Variants in TGM7 observed in about 807,000 individuals in gnomAD.
The protein encoded by TGM7 is transglutaminase 7.
In TGM7, 74 loss-of-function variants were observed where a neutral mutation model predicts 79.5. That is an observed-to-expected ratio of 0.93 (90% CI 0.77 to 1.13). TGM7 has a LOEUF of 1.13. Among genes scored for constraint, TGM7 ranks in the 50% most tolerant of loss-of-function variants. The pLI is 0.00. For synonymous variants in TGM7, 354 were observed against 362.5 expected, an observed-to-expected ratio of 0.98 and a Z score of 0.27; for missense variants, 912 against 905.9, an observed-to-expected ratio of 1.01 and a Z score of -0.09.
intron 1 of TGM7, among the ~76,000 whole-genome samples, chr15:43,294,358 G>T (rs2042981976): frequency 6.6e-6 from 1 of 152,186 alleles, no homozygotes; most frequent in Non-Finnish European, 1.5e-5. Flanking sequence ...GTAGGCAGTG[G>T]GCAGGTTCTG....
At position 43,279,371 on chromosome 15, in the gene TGM7, G is replaced by A. The variant is rs1042729656; in HGVS notation, c.1679-94C>T. ...AGAGAGGAAAAATTAGAATTTTCAC[G>A]TGAGAGGTAAAAGTGTGTGTGAGAG... is the stretch of plus-strand genomic sequence containing the variant. On this transcript the variant is annotated intron_variant, in intron 10 of 12. Transcript: ENST00000452443. 186 of 1,396,430 alleles carry A rather than the reference G, an allele frequency of 1.3e-4. 2 individuals carry two copies. The South Asian group carries it at 1.4e-3, about 11-fold the overall frequency. 86.5% of individuals were successfully genotyped at this position (1,396,430 alleles called of 1,614,324 possible). A position where few individuals can be genotyped will look rare whatever the true frequency, so the allele number is the denominator to read the frequency against.
intron 1 of TGM7, among the ~76,000 whole-genome samples, chr15:43,297,575 C>T (rs2043003637): frequency 1.2e-5 from 1 of 84,874 alleles, no homozygotes; most frequent in African/African-American, 3.8e-5. Flanking sequence ...TTGAAACAGC[C>T]ATCTGCATGT....
intron 1 of TGM7, among the ~76,000 whole-genome samples, chr15:43,301,710 G>A (rs980812489): frequency 1.3e-5 from 2 of 152,126 alleles, no homozygotes; most frequent in African/African-American, 2.4e-5. Flanking sequence ...TGTTGGCCAG[G>A]CTGGCCCAGC....
chr15:43,281,304 C>T (rs550810244), intron 9 of TGM7, among the ~76,000 whole-genome samples: 16 of 152,362 alleles, frequency 1.1e-4, no homozygotes, highest in African/African-American at 3.8e-4. Flanking sequence ...ACACATGCGC[C>T]CTCCGTGGGG....
At position 43,300,212 on chromosome 15, in the gene TGM7, A is replaced by G. The variant is rs577656897; in HGVS notation, c.10+2029T>C. Reference sequence around the variant, plus strand: ...TTTGCACTTGCAACACTAGTTGAATATCTAGTTAATACTAAGTTTTATGGA... The same window carrying G: ...TTTGCACTTGCAACACTAGTTGAATGTCTAGTTAATACTAAGTTTTATGGA... On this transcript the variant is annotated intron_variant, in intron 1 of 12. Transcript: ENST00000452443. Among the ~76,000 whole-genome samples, 4 of 152,350 alleles carry G rather than the reference A, an allele frequency of 2.6e-5. No individual in the cohort carries two copies. The South Asian group carries it at 8.3e-4, about 32-fold the overall frequency.
chr15:43,283,009 C>T (rs1005014509), intron 7 of TGM7, among the ~76,000 whole-genome samples: 9 of 152,118 alleles, frequency 5.9e-5, no homozygotes, highest in Non-Finnish European at 8.8e-5. Flanking sequence ...AAGATGGCAC[C>T]GCTGCACTCC....
intron 10 of TGM7, 56 bp downstream of exon 10, chr15:43,279,569 A>C (rs767347373): frequency 1.3e-6 from 2 of 1,520,740 alleles, no homozygotes; most frequent in Non-Finnish European, 1.8e-6. Flanking sequence ...CACTGTGTTC[A>C]TGGACCCACA....
At chr15:43,288,311 A>G (rs1008563610) in intron 4 of TGM7, among the ~76,000 whole-genome samples, 1 of 152,102 alleles carries the variant, frequency 6.6e-6, no homozygotes, top group African/African-American at 2.4e-5. Context: ...AATGGGGAAA[A>G]CGTGCTCTCC....
At chr15:43,288,747 C>A (rs554934940) in intron 4 of TGM7, among the ~76,000 whole-genome samples, 17 of 151,970 alleles carry the variant, frequency 1.1e-4, no homozygotes, top group Non-Finnish European at 2.2e-4. Context: ...CTGGCCAACA[C>A]GGTGAAACCC....
At position 43,288,428 on chromosome 15, in the gene TGM7, C is replaced by T. The variant is rs180775669; in HGVS notation, c.559-759G>A. ...CGCCTGCGGGGGTTGAGAGTGGAAA[C>T]GTTGCCCAGAGCCAAGTTCCCCCTC... On this transcript the variant is annotated intron_variant, in intron 4 of 12. Transcript: ENST00000452443. Among the ~76,000 whole-genome samples the T allele has an allele frequency of 4.3e-3, 660 of 152,104 alleles. 5 individuals are homozygous for T. The highest frequency in any genetic ancestry group is 0.024 in the Middle Eastern group (7 of 294).
chr15:43,278,949 A>G (rs1036042176), intron 11 of TGM7, among the ~76,000 whole-genome samples, 168 bp downstream of exon 11: 12 of 152,156 alleles, frequency 7.9e-5, no homozygotes, highest in African/African-American at 2.9e-4. Flanking sequence ...AGAAGCCTTC[A>G]TGCCCCTCCA....
rs774680556 is a variant in TGM7 at position 43,284,832 on chromosome 15, T to A, written c.986A>T (p.Gln329Leu). Residue 329 changes from glutamine (Q) to leucine (L), a missense_variant, in exon 7 of 13, where the codon CAG (glutamine) becomes CTG (leucine). Transcript: ENST00000452443. Reference sequence around the variant, plus strand: ...CTCTCACCATATTTTGTCTCGTTTCTGAGTTGACAGCATCTCGGCATTTCG... The same window carrying A: ...CTCTCACCATATTTTGTCTCGTTTCAGAGTTGACAGCATCTCGGCATTTCG... The part of the protein sequence containing the change: ...YDRNAEMLST[Q>L]KRDKIWNFHV... The A allele has an allele frequency of 6.2e-7, 1 of 1,614,184 alleles. No individual in the cohort carries two copies. Among genetic ancestry groups the A allele is most frequent in the East Asian group, 2.2e-5 (1 of 44,882 alleles).
At chr15:43,284,311 C>T (rs1366074575) in intron 7 of TGM7, among the ~76,000 whole-genome samples, 1 of 150,734 alleles carries the variant, frequency 6.6e-6, no homozygotes, top group Non-Finnish European at 1.5e-5. Flanking sequence ...GAAAAGAAGC[C>T]AGAGATACAC....
At chr15:43,279,563 G>C (rs569687358) in intron 10 of TGM7, 62 bp downstream of exon 10, 1 of 1,509,326 alleles carries the variant, frequency 6.6e-7, no homozygotes, top group Non-Finnish European at 8.9e-7. Flanking sequence ...CCACCCCACT[G>C]TGTTCATGGA....
chr15:43,276,865 T>A lies in TGM7; in HGVS notation c.1970A>T (p.Lys657Met), dbSNP rs150068227. The change falls in exon 12 of 13, where the codon AAG becomes ATG. Residue 657 changes from lysine (K) to methionine (M), a missense_variant. Physicochemically the swap from Lys to Met is moderately conservative, Grantham distance 95. Coordinates refer to ENST00000452443, the MANE Select transcript of TGM7 (RefSeq NM_052955.3). ...GGTGGGCAGAAGCGTCACTTACTCC[T>A]TTGCTATCTGCCCATTGATGAGGCC... The part of the protein sequence containing the change: ...GSGLINGQIA[K>M]DLGTLVAGHT... 6.2e-7 allele frequency: 1 copy of A among 1,613,910 alleles called. No individual in the cohort carries two copies. Among genetic ancestry groups the A allele is most frequent in the Non-Finnish European group, 8.5e-7 (1 of 1,179,960 alleles).
chr15:43,292,719 A>C lies in TGM7; in HGVS notation c.429T>G (p.Pro143=). ...PLGTFILLFN[P]WSPEDDVYLP... is the part of the protein sequence containing the mutation. ...GTGGGCACATCCTACCTGGACTCCA[A>C]GGGTTAAAAAGTAGGATGAAAGTTC... is the stretch of plus-strand genomic sequence containing the variant. The change falls in exon 3 of 13, where the codon CCT becomes CCG. Residue 143 remains proline (P), a synonymous_variant. Transcript: ENST00000452443. The C allele has an allele frequency of 6.2e-7, 1 of 1,614,108 alleles. No individual in the cohort carries two copies. Among genetic ancestry groups the C allele is most frequent in the Non-Finnish European group, 8.5e-7 (1 of 1,180,034 alleles).
At chr15:43,300,413 A>G (rs2043019900) in intron 1 of TGM7, among the ~76,000 whole-genome samples, 1 of 152,236 alleles carries the variant, frequency 6.6e-6, no homozygotes, top group Admixed American at 6.5e-5. Context: ...GTTTGACTCT[A>G]GAACCTAGTT....
In TGM7 at chr15:43,293,376, G is replaced by A; in HGVS notation, c.193+73C>T. 3.3e-6 allele frequency: 5 copies of A among 1,502,294 alleles called. No homozygotes were observed. The South Asian group carries it at 3.9e-5, about 12-fold the overall frequency. 93.1% of individuals were successfully genotyped at this position (1,502,294 alleles called of 1,614,324 possible). A position where few individuals can be genotyped will look rare whatever the true frequency, so the allele number is the denominator to read the frequency against. Reference sequence around the variant, plus strand: ...GGCAGCTCAGGTGGGAAAGGCAGGGGCCCCGCAGGCAGACTCTGTAAATGC... The same window carrying A: ...GGCAGCTCAGGTGGGAAAGGCAGGGACCCCGCAGGCAGACTCTGTAAATGC... On this transcript the variant is annotated intron_variant, in intron 2 of 12. Transcript: ENST00000452443.
intron 2 of TGM7, 35 bp from the exon 3 acceptor site, chr15:43,292,989 A>C: frequency 6.2e-7 from 1 of 1,607,576 alleles, no homozygotes; most frequent in Non-Finnish European, 8.5e-7. Context: ...AGTGAGGCTC[A>C]AAAAACCTGT....
Sources: allele counts gnomAD v4.1 joint callset (sites outside exome capture counted in the v4.1 genomes callset), GRCh38; gene constraint gnomAD v4.1.1; transcripts MANE v1.5; gene names NCBI Gene and HGNC (gene_info 2026-07-23, HGNC 2026-07-21).